Variants in TMEM41B observed in about 807,000 individuals in gnomAD.
TMEM41B encodes transmembrane protein 41B.
In TMEM41B, 18 loss-of-function variants were observed where a neutral mutation model predicts 31.9. The ratio of observed to expected loss-of-function variants is 0.56; its 90% confidence interval spans 0.39 to 0.84. TMEM41B has a LOEUF of 0.84. TMEM41B is among the 40% of genes least tolerant of loss of function. TMEM41B has a pLI of 0.00. For synonymous variants in TMEM41B, 144 were observed against 124.3 expected (o/e 1.16, Z -1.05); for missense variants, 322 against 348.0 (o/e 0.93, Z 0.59).
At chr11:9,286,429 T>TA (rs1428185039) in intron 6 of TMEM41B, 26 bp downstream of exon 6, 1 of 1,598,332 alleles carries the variant, frequency 6.3e-7, no homozygotes. Context: ...AGTGAGCTCA[T>TA]ACACAGCAAG....
chr11:9,306,427 A>C (rs1354963271), intron 1 of TMEM41B, among the ~76,000 whole-genome samples: 1 of 152,096 alleles, frequency 6.6e-6, no homozygotes, highest in African/African-American at 2.4e-5. Flanking sequence ...TCACGCCTGT[A>C]ATCCCAGCAC....
At chr11:9,306,610 C>A (rs1427615646) in intron 1 of TMEM41B, among the ~76,000 whole-genome samples, 1 of 151,964 alleles carries the variant, frequency 6.6e-6, no homozygotes, top group Non-Finnish European at 1.5e-5. Context: ...GGCATTAACC[C>A]GGGAGGCGGA....
chr11:9,293,694 G>T (rs1261856615), intron 3 of TMEM41B, among the ~76,000 whole-genome samples: 1 of 152,070 alleles, frequency 6.6e-6, no homozygotes, highest in Non-Finnish European at 1.5e-5. Flanking sequence ...TGATCCTCCT[G>T]CCTCAGCCTC....
In TMEM41B at chr11:9,310,630, C is replaced by T. The variant is rs1301695938; in HGVS notation, c.121+3691G>A. Reference sequence around the variant, plus strand: ...AAGTTATGTACTCTAGTCCAGTCACCTTCAAACCGATTAGGTTAAGAGCCC... The same window carrying T: ...AAGTTATGTACTCTAGTCCAGTCACTTTCAAACCGATTAGGTTAAGAGCCC... On this transcript the variant is annotated intron_variant, in intron 1 of 6. Coordinates refer to ENST00000528080, the MANE Select transcript of TMEM41B (RefSeq NM_015012.4). Among the ~76,000 whole-genome samples the T allele has an allele frequency of 3.3e-5, 5 of 149,316 alleles. No individual in the cohort carries two copies. The East Asian group carries it at 9.8e-4, about 29-fold the overall frequency.
chr11:9,297,387 TCTG>T (rs1349550929), intron 2 of TMEM41B, among the ~76,000 whole-genome samples: 1 of 152,182 alleles, frequency 6.6e-6, no homozygotes, highest in Non-Finnish European at 1.5e-5. Flanking sequence ...GCCAGGCCGC[TCTG>T]CTAATTTCAA....
chr11:9,299,487 T>C (rs1853193450), intron 2 of TMEM41B, 97 bp downstream of exon 2: 4 of 818,434 alleles, frequency 4.9e-6, no homozygotes, highest in Admixed American at 2.5e-5. Flanking sequence ...CCTCCCAAAG[T>C]GTTGAGATTA....
Position 9,299,615 on chromosome 11 carries a change from A to G in TMEM41B, c.208T>C (p.Leu70=), listed in dbSNP as rs1241640904. Residue 70 remains leucine (L), a synonymous_variant, in exon 2 of 7, where the codon TTG becomes CTG. Coordinates refer to ENST00000528080, the MANE Select transcript of TMEM41B (RefSeq NM_015012.4). The part of the protein sequence containing the change: ...IFLSAAFVMF[L]VYKNFPQLSE... ...AGCTGAGGAAAATTTTTATATACCAAAAACATAACAAAAGCTGCAGATAAG... is the reference window on the plus strand; with the variant it reads ...AGCTGAGGAAAATTTTTATATACCAGAAACATAACAAAAGCTGCAGATAAG... 1 of 1,613,068 alleles carries G rather than the reference A, an allele frequency of 6.2e-7. No individual in the cohort carries two copies. Among genetic ancestry groups the G allele is most frequent in the Non-Finnish European group, 8.5e-7 (1 of 1,179,632 alleles).
intron 5 of TMEM41B, among the ~76,000 whole-genome samples, chr11:9,287,079 G>C (rs1852853559): frequency 6.6e-6 from 1 of 151,996 alleles, no homozygotes. Flanking sequence ...GTTGAGGCAG[G>C]TGGGTCACCT....
chr11:9,288,217 A>G (rs1291806095), intron 4 of TMEM41B: 1 of 410,056 alleles, frequency 2.4e-6, no homozygotes, highest in South Asian at 4.2e-5. Context: ...AAAATCCAAT[A>G]GGAAAGAAAA....
At chr11:9,307,972 G>A (rs1047071673) in intron 1 of TMEM41B, among the ~76,000 whole-genome samples, 4 of 151,930 alleles carry the variant, frequency 2.6e-5, no homozygotes, top group East Asian at 3.9e-4. Context: ...TCCTGACCTC[G>A]TGATCCGCCC....
chr11:9,297,048 G>C (rs1399836789), intron 2 of TMEM41B, among the ~76,000 whole-genome samples: 1 of 152,084 alleles, frequency 6.6e-6, no homozygotes, highest in Non-Finnish European at 1.5e-5. Flanking sequence ...TCAGACTACT[G>C]AGTAGCTGGG....
At chr11:9,295,094 G>A (rs901687814) in intron 3 of TMEM41B, 165 bp downstream of exon 3, 1 of 959,512 alleles carries the variant, frequency 1.0e-6, no homozygotes, top group East Asian at 3.3e-5. Context: ...CAGCAAATAG[G>A]ATTAAAGTGA....
rs1044284739 is a variant in TMEM41B at position 9,281,391 on chromosome 11, C to T, written c.*2033G>A. ...CAAAAGGCCAGGTGACATAAGAATACTACAATAATCAATATGTTTTCTTTG... is the reference window on the plus strand; with the variant it reads ...CAAAAGGCCAGGTGACATAAGAATATTACAATAATCAATATGTTTTCTTTG... On this transcript the variant is annotated 3_prime_UTR_variant, in exon 7 of 7. Coordinates refer to ENST00000528080, the MANE Select transcript of TMEM41B (RefSeq NM_015012.4). The T allele has an allele frequency of 2.0e-5, 3 of 152,260 alleles. No homozygotes were observed. The highest frequency in any genetic ancestry group is 2.1e-4 in the South Asian group (1 of 4,826). The allele number at this position is 152,260 out of a possible 1,614,324, so 9.4% of individuals were successfully genotyped here.
chr11:9,303,960 G>A (rs1214921788), intron 1 of TMEM41B, among the ~76,000 whole-genome samples: 2 of 152,086 alleles, frequency 1.3e-5, no homozygotes, highest in African/African-American at 2.4e-5. Context: ...GAGCCACCAC[G>A]CCCGGCCTCC....
At position 9,282,494 on chromosome 11, in the gene TMEM41B, G is replaced by T. The variant is rs936838237; in HGVS notation, c.*930C>A. 11 of 152,026 alleles carry T rather than the reference G, an allele frequency of 7.2e-5. No individual in the cohort carries two copies. The highest frequency in any genetic ancestry group is 1.2e-4 in the Non-Finnish European group (8 of 68,028). 9.4% of individuals were successfully genotyped at this position (152,026 alleles called of 1,614,324 possible). A position where few individuals can be genotyped will look rare whatever the true frequency, so the allele number is the denominator to read the frequency against. ...AAGATGAAAGAAAACCGACTGGCCA[G>T]AACTTTAAATTTCAGACTAATCCAT... is the stretch of plus-strand genomic sequence containing the variant. On this transcript the variant is annotated 3_prime_UTR_variant, in exon 7 of 7. Coordinates refer to ENST00000528080, the MANE Select transcript of TMEM41B (RefSeq NM_015012.4).
At chr11:9,298,049 G>A (rs1256486430) in intron 2 of TMEM41B, among the ~76,000 whole-genome samples, 3 of 117,400 alleles carry the variant, frequency 2.6e-5, no homozygotes, top group South Asian at 6.4e-4. Context: ...GGGTAACAGA[G>A]CAAGACCCTG....
Position 9,282,018 on chromosome 11 carries a change from G to A in TMEM41B, c.*1406C>T, listed in dbSNP as rs540041104. 1 of 152,038 alleles carries A rather than the reference G, an allele frequency of 6.6e-6. No individual in the cohort carries two copies. The highest frequency in any genetic ancestry group is 1.5e-5 in the Non-Finnish European group (1 of 68,006). 9.4% of individuals were successfully genotyped at this position (152,038 alleles called of 1,614,324 possible). A position where few individuals can be genotyped will look rare whatever the true frequency, so the allele number is the denominator to read the frequency against. On this transcript the variant is annotated 3_prime_UTR_variant, in exon 7 of 7. Transcript: ENST00000528080. ...TAATGTCTAAAAACTACATACTCTT[G>A]AATGTTTGCTTTTTAGAGCCCCTTG...
chr11:9,303,613 C>A (rs1853308072), intron 1 of TMEM41B, among the ~76,000 whole-genome samples: 1 of 150,846 alleles, frequency 6.6e-6, no homozygotes. Flanking sequence ...GTAATCTAAA[C>A]AATCTAACTT....
intron 1 of TMEM41B, among the ~76,000 whole-genome samples, chr11:9,309,058 G>T (rs1186062836): frequency 6.6e-6 from 1 of 152,094 alleles, no homozygotes; most frequent in Admixed American, 6.6e-5. Flanking sequence ...GACCAGCCTG[G>T]CCAACACAGA....
Sources: gnomAD v4.1 joint callset for allele counts (sites outside exome capture counted in the v4.1 genomes callset) on GRCh38, gnomAD v4.1.1 for gene constraint, MANE v1.5 for transcripts, NCBI Gene and HGNC (gene_info 2026-07-23, HGNC 2026-07-21) for gene names.